Variants in RUNX1 observed in about 807,000 individuals in gnomAD.
RUNX1 encodes runt-related transcription factor 1.
Under a neutral mutation model 42.8 loss-of-function variants are expected in RUNX1, and 19 were observed. The observed-to-expected ratio is 0.44, with a 90% confidence interval of 0.31 to 0.65. RUNX1 has a LOEUF of 0.65. RUNX1 is among the 30% of genes least tolerant of loss of function. The probability of loss-of-function intolerance (pLI) is 0.07; values close to 1 mark genes in which losing one functional copy is unlikely to be tolerated. For missense variants in RUNX1, 528 were observed against 672.0 expected (o/e 0.79, Z 2.37); for synonymous variants, 271 against 289.4 (o/e 0.94, Z 0.64).
intron 6 of RUNX1, among the ~76,000 whole-genome samples, chr21:34,855,446 T>C (rs2057482296): frequency 1.3e-5 from 2 of 152,192 alleles, no homozygotes; most frequent in South Asian, 4.1e-4. Context: ...AGCTCATGCC[T>C]GCAATCCCAG....
chr21:35,038,070 C>T (rs58980844), intron 2 of RUNX1, among the ~76,000 whole-genome samples: 15,655 of 152,124 alleles, frequency 0.1, 2,596 homozygotes, highest in African/African-American at 0.35. Flanking sequence ...ACTTCCTCTG[C>T]GTGTCCATTG....
intron 2 of RUNX1, among the ~76,000 whole-genome samples, chr21:34,979,891 C>G (rs2058833808): frequency 6.6e-6 from 1 of 152,122 alleles, no homozygotes; most frequent in Non-Finnish European, 1.5e-5. Flanking sequence ...AGTGCTGGGT[C>G]TGCCAGGTGG....
chr21:34,904,723 G>C (rs1467301512), intron 2 of RUNX1, among the ~76,000 whole-genome samples: 3 of 152,152 alleles, frequency 2.0e-5, no homozygotes, highest in Non-Finnish European at 4.4e-5. Context: ...TTCTAGGTAA[G>C]TTCTCAAGGG....
rs1479812904 is a variant in RUNX1 at position 34,898,310 on chromosome 21, A to G, written c.59-5347T>C. Among the ~76,000 whole-genome samples, 3 of 152,168 alleles carry G rather than the reference A, an allele frequency of 2.0e-5. No homozygotes were observed. The East Asian group carries it at 5.8e-4, about 29-fold the overall frequency. The stretch of plus-strand genomic sequence containing the variant: ...TCCGACCTGCAGAACTGTGGGCTAA[A>G]TTTGTTTAAGGTGCTAAGCTTGGCA... On this transcript the variant is annotated intron_variant, in intron 2 of 8. Coordinates refer to ENST00000675419, the MANE Select transcript of RUNX1 (RefSeq NM_001754.5).
chr21:34,936,314 T>C (rs1010065063), intron 2 of RUNX1, among the ~76,000 whole-genome samples: 2 of 152,122 alleles, frequency 1.3e-5, no homozygotes, highest in African/African-American at 4.8e-5. Context: ...CCAGAAAATG[T>C]TTTAAATTAG....
chr21:35,027,964 G>A (rs2059248625), intron 2 of RUNX1, among the ~76,000 whole-genome samples: 1 of 152,176 alleles, frequency 6.6e-6, no homozygotes, highest in African/African-American at 2.4e-5. Flanking sequence ...TTAATTAGTA[G>A]TAGTATCTGA....
At chr21:34,967,543 C>A (rs1307044965) in intron 2 of RUNX1, among the ~76,000 whole-genome samples, 1 of 151,844 alleles carries the variant, frequency 6.6e-6, no homozygotes, top group Non-Finnish European at 1.5e-5. Flanking sequence ...CACAGGGTGT[C>A]TAAGAGTCTG....
chr21:34,951,757 G>A (rs977098640), intron 2 of RUNX1, among the ~76,000 whole-genome samples: 29 of 152,308 alleles, frequency 1.9e-4, no homozygotes, highest in African/African-American at 7.0e-4. Flanking sequence ...GGAGAAATAG[G>A]AAAGCTTTTA....
At chr21:34,913,115 C>T (rs988150413) in intron 2 of RUNX1, among the ~76,000 whole-genome samples, 2 of 152,048 alleles carry the variant, frequency 1.3e-5, no homozygotes, top group Non-Finnish European at 2.9e-5. Context: ...ACCTGTAATC[C>T]CAGCTACTTG....
intron 2 of RUNX1, among the ~76,000 whole-genome samples, chr21:34,914,511 C>A (rs192231512): frequency 2.2e-4 from 34 of 152,222 alleles, no homozygotes; most frequent in Admixed American, 2.0e-3. Context: ...GGTCATTTCA[C>A]GGGGGGCAGC....
At chr21:34,853,915 C>T (rs1178777429) in intron 6 of RUNX1, among the ~76,000 whole-genome samples, 4 of 151,836 alleles carry the variant, frequency 2.6e-5, no homozygotes, top group Non-Finnish European at 4.4e-5. Flanking sequence ...TGGGTTCAAC[C>T]GATTCTCCTG....
At chr21:35,012,507 C>T (rs995916608) in intron 2 of RUNX1, among the ~76,000 whole-genome samples, 1 of 152,194 alleles carries the variant, frequency 6.6e-6, no homozygotes, top group African/African-American at 2.4e-5. Flanking sequence ...GTTTCTGAAT[C>T]ATTAAGGCAA....
Position 34,790,402 on chromosome 21 carries a change from C to T in RUNX1, c.*1733G>A, listed in dbSNP as rs189808584. On this transcript the variant is annotated 3_prime_UTR_variant, in exon 9 of 9. Transcript: ENST00000675419. ...CAGAGTTGACCTGAAATCGTTTCAA[C>T]GAATTTTAAGAGGTACGTTAAATAA... is the stretch of plus-strand genomic sequence containing the variant. 4 of 233,646 alleles carry T rather than the reference C, an allele frequency of 1.7e-5. No homozygotes were observed. The highest frequency in any genetic ancestry group is 1.7e-4 in the Admixed American group (3 of 17,804). 14.5% of individuals were successfully genotyped at this position (233,646 alleles called of 1,614,324 possible). A position where few individuals can be genotyped will look rare whatever the true frequency, so the allele number is the denominator to read the frequency against.
rs528039274 is a variant in RUNX1, at chr21:34,864,722, C to T, written c.509-5144G>A. Among the ~76,000 whole-genome samples the T allele has an allele frequency of 2.6e-5, 4 of 152,336 alleles. No homozygotes were observed. In the South Asian group the frequency reaches 8.3e-4, roughly 32 times the overall value. On this transcript the variant is annotated intron_variant, in intron 5 of 8. Coordinates refer to ENST00000675419, the MANE Select transcript of RUNX1 (RefSeq NM_001754.5). ...CCTCCTGCTCACTGAACCCTGACCA[C>T]CACAGCAGCATCAGTTCCAGCCAGG...
chr21:34,858,674 T>TA (rs1202724436), intron 6 of RUNX1, among the ~76,000 whole-genome samples: 1 of 152,176 alleles, frequency 6.6e-6, no homozygotes, highest in Non-Finnish European at 1.5e-5. Context: ...AGGGACCTGA[T>TA]ACGGTTTGGA....
rs61750222 is a variant in RUNX1, at chr21:34,792,189, G to C, written c.1389C>G (p.Pro463=). 0.019 allele frequency: 28,697 copies of C among 1,536,470 alleles called. 908 individuals carry two copies. The highest frequency in any genetic ancestry group is 0.12 in the African/African-American group (9,072 of 73,110). ...GGCGCGCGGAGGGCGCCATGTTGGT[G>C]GGGGAGTTGCTGTGGCTGCCCTCGG... ...VEAEGSHSNS[P]TNMAPSARLE... The change falls in exon 9 of 9, where the codon CCC becomes CCG. Residue 463 remains proline, a synonymous_variant. Transcript: ENST00000675419. The surrounding 1 kb of genome is among the most constrained non-coding windows in gnomAD (Gnocchi z 6.9).
intron 5 of RUNX1, among the ~76,000 whole-genome samples, chr21:34,878,535 T>C (rs930664478): frequency 3.9e-4 from 59 of 152,114 alleles, no homozygotes; most frequent in Non-Finnish European, 3.7e-4. Context: ...GTTTATGGCA[T>C]TTCAATTAAT....
intron 2 of RUNX1, among the ~76,000 whole-genome samples, chr21:34,963,461 G>A (rs1054912367): frequency 6.6e-5 from 10 of 152,192 alleles, no homozygotes. Flanking sequence ...GCCACTGACT[G>A]AGCAGCTCAG....
intron 2 of RUNX1, among the ~76,000 whole-genome samples, chr21:34,989,990 C>T (rs1203869644): frequency 3.3e-5 from 5 of 152,150 alleles, no homozygotes; most frequent in Non-Finnish European, 7.4e-5. Flanking sequence ...GAGGATGAAA[C>T]GGATGCACAG....
Sources: allele counts gnomAD v4.1 joint callset (sites outside exome capture counted in the v4.1 genomes callset), GRCh38; gene constraint gnomAD v4.1.1; non-coding constraint Gnocchi (gnomAD v3.1); transcripts MANE v1.5; gene names NCBI Gene and HGNC (gene_info 2026-07-23, HGNC 2026-07-21).